Variants in ZRSR2 observed in about 807,000 individuals in gnomAD.
ZRSR2 encodes U2 small nuclear ribonucleoprotein auxiliary factor 35 kDa subunit-related protein 2.
A neutral mutation model predicts 39.4 loss-of-function variants in ZRSR2; 3 were observed. The observed-to-expected ratio is 0.08, with a 90% CI of 0.03 to 0.20. The LOEUF (loss-of-function observed/expected upper bound fraction) is 0.20. Among genes scored for constraint, ZRSR2 ranks in the 10% least tolerant of loss-of-function variants. The probability of loss-of-function intolerance (pLI) is 1.00; values close to 1 mark genes in which losing one functional copy is unlikely to be tolerated. For synonymous variants in ZRSR2, 137 were observed against 136.0 expected, an observed-to-expected ratio of 1.01 and a Z score of -0.05; for missense variants, 256 against 391.5, an observed-to-expected ratio of 0.65 and a Z score of 2.92.
chrX:15,818,775 G>C (rs1601827288), intron 9 of ZRSR2, 133 bp downstream of exon 9: 1 of 574,945 alleles, frequency 1.7e-6, no homozygotes, highest in South Asian at 3.9e-5. Context: ...TTTTTATTTT[G>C]TTTTTTTCTT....
intron 3 of ZRSR2, among the ~76,000 whole-genome samples, chrX:15,800,645 G>C (rs1932643986): frequency 8.9e-6 from 1 of 112,419 alleles, no homozygotes; most frequent in Non-Finnish European, 1.9e-5. Flanking sequence ...ATAATGGCAT[G>C]ATATTTATAC....
chrX:15,794,584 G>C (rs1371780382), intron 2 of ZRSR2, among the ~76,000 whole-genome samples: 2 of 111,727 alleles, frequency 1.8e-5, no homozygotes, highest in East Asian at 5.6e-4. Context: ...TCATCATAAA[G>C]GTCTTCATTC....
chrX:15,807,425 G>A (rs1426880340), intron 5 of ZRSR2, among the ~76,000 whole-genome samples: 1 of 109,372 alleles, frequency 9.1e-6, no homozygotes, highest in African/African-American at 3.3e-5. Flanking sequence ...AAGTAGCTGG[G>A]ATTACAGGCA....
At chrX:15,822,646 T>C in intron 10 of ZRSR2, 85 bp from the exon 11 acceptor site, 1 of 1,190,377 alleles carries the variant, frequency 8.4e-7, no homozygotes, top group Non-Finnish European at 1.1e-6. Flanking sequence ...TATCCAAATA[T>C]CAGAAATGTA....
intron 2 of ZRSR2, among the ~76,000 whole-genome samples, chrX:15,797,534 T>A (rs757414214): frequency 2.3e-3 from 263 of 112,233 alleles, no homozygotes; most frequent in African/African-American, 8.1e-3. Context: ...TATAATAGAT[T>A]TATATTTATG....
intron 1 of ZRSR2, 111 bp downstream of exon 1, chrX:15,790,647 A>G: frequency 9.7e-7 from 1 of 1,026,406 alleles, no homozygotes; most frequent in African/African-American, 1.9e-5. Context: ...CCACCGCGGC[A>G]GCTCCATTCC....
chrX:15,811,315 GAACCAAATTGCAT>G (rs1932877023), intron 7 of ZRSR2, among the ~76,000 whole-genome samples: 1 of 111,868 alleles, frequency 8.9e-6, no homozygotes, highest in South Asian at 3.7e-4. Flanking sequence ...ATGGGTACTT[GAACCAAATTGCAT>G]TTAAGGTTTT....
At chrX:15,791,239 T>A (rs972581930) in intron 2 of ZRSR2, among the ~76,000 whole-genome samples, 3 of 112,188 alleles carry the variant, frequency 2.7e-5, no homozygotes, top group Non-Finnish European at 5.6e-5. Context: ...TGATTCTGTG[T>A]AACTTATAAA....
intron 3 of ZRSR2, among the ~76,000 whole-genome samples, chrX:15,802,739 C>T (rs1932711964): frequency 1.8e-5 from 2 of 111,242 alleles, no homozygotes; most frequent in African/African-American, 6.5e-5. Flanking sequence ...ATTACAGGTG[C>T]GAGCCATTGC....
At chrX:15,791,609 A>G (rs937844024) in intron 2 of ZRSR2, among the ~76,000 whole-genome samples, 9 of 108,417 alleles carry the variant, frequency 8.3e-5, no homozygotes, top group Non-Finnish European at 1.7e-4. Flanking sequence ...AGCTGGGACT[A>G]CAGGCATTCA....
intron 8 of ZRSR2, among the ~76,000 whole-genome samples, chrX:15,817,241 C>A (rs901106197): frequency 8.9e-6 from 1 of 111,817 alleles, no homozygotes; most frequent in Non-Finnish European, 1.9e-5. Flanking sequence ...CGTATTTTTT[C>A]TTTTGTTTAG....
chrX:15,809,154 T>G, intron 6 of ZRSR2, 46 bp from the exon 7 acceptor site: 1 of 902,394 alleles, frequency 1.1e-6, no homozygotes, highest in Non-Finnish European at 1.6e-6. Flanking sequence ...ATTTCGTCTT[T>G]CATGGGTTTT....
At chrX:15,810,640 G>C (rs1443866496) in intron 7 of ZRSR2, among the ~76,000 whole-genome samples, 1 of 108,375 alleles carries the variant, frequency 9.2e-6, no homozygotes, top group African/African-American at 3.4e-5. Context: ...CATTTTTTAA[G>C]AACAGTGGTT....
At chrX:15,818,730 T>C in intron 9 of ZRSR2, 88 bp downstream of exon 9, 5 of 704,024 alleles carry the variant, frequency 7.1e-6, no homozygotes, top group Non-Finnish European at 8.5e-6. Context: ...CCACTGGATA[T>C]ATAACTTTCA....
In ZRSR2 at chrX:15,809,239, G is replaced by A. The variant is rs1461565397; in HGVS notation, c.478G>A (p.Val160Met). Residue 160 changes from valine to methionine, a missense_variant, in exon 7 of 11, where the codon GTG (valine) becomes ATG (methionine). Val to Met is a conservative substitution (Grantham distance 21). Coordinates refer to ENST00000307771, the MANE Select transcript of ZRSR2 (RefSeq NM_005089.4). ...CACATGGCAAAACCCAGAACCACCC[G>A]TGGATTTCAGAGTAATGGAGAAGGA... The part of the protein sequence containing the change: ...GTTWQNPEPP[V>M]DFRVMEKDRA... The A allele has an allele frequency of 9.1e-6, 11 of 1,209,437 alleles. No homozygotes were observed. Among genetic ancestry groups the A allele is most frequent in the Middle Eastern group, 2.3e-4 (1 of 4,354 alleles).
intron 3 of ZRSR2, among the ~76,000 whole-genome samples, chrX:15,800,261 A>G (rs1168464806): frequency 1.0e-5 from 1 of 97,831 alleles, no homozygotes; most frequent in Non-Finnish European, 2.0e-5. Flanking sequence ...ATCTCAGCTC[A>G]CTGCAATCTC....
At chrX:15,802,168 A>T (rs1932692592) in intron 3 of ZRSR2, among the ~76,000 whole-genome samples, 1 of 112,296 alleles carries the variant, frequency 8.9e-6, no homozygotes, top group Non-Finnish European at 1.9e-5. Flanking sequence ...AATATATTTT[A>T]TTTAAAATTG....
intron 10 of ZRSR2, among the ~76,000 whole-genome samples, chrX:15,820,949 C>T (rs1020714738): frequency 1.8e-5 from 2 of 111,533 alleles, no homozygotes; most frequent in Non-Finnish European, 3.8e-5. Context: ...TAGTTATGTT[C>T]TGATTTCTCT....
intron 1 of ZRSR2, 187 bp from the exon 2 acceptor site, chrX:15,790,747 G>C (rs772884860): frequency 1.6e-6 from 1 of 622,608 alleles, no homozygotes; most frequent in African/African-American, 2.3e-5. Context: ...GGCGGATGGA[G>C]AAGAACTGTC....
Sources: allele counts gnomAD v4.1 joint callset (sites outside exome capture counted in the v4.1 genomes callset), GRCh38; gene constraint gnomAD v4.1.1; transcripts MANE v1.5; gene names NCBI Gene and HGNC (gene_info 2026-07-23, HGNC 2026-07-21).